Variants in MTHFD1L observed in about 807,000 individuals in gnomAD.
MTHFD1L encodes methylenetetrahydrofolate dehydrogenase (NADP+ dependent) 1 like.
Under a neutral mutation model 119.5 loss-of-function variants are expected in MTHFD1L, and 81 were observed. That is an observed-to-expected ratio of 0.68 (90% CI 0.57 to 0.82). MTHFD1L has a LOEUF of 0.82. Ranked by LOEUF, MTHFD1L falls within the 40% of genes least tolerant of loss-of-function variation. The pLI, the probability that MTHFD1L is intolerant of heterozygous loss-of-function variation, is 0.00. For synonymous variants in MTHFD1L, 430 were observed against 475.2 expected (o/e 0.90, Z 1.24); for missense variants, 1,125 against 1,253.4 (o/e 0.90, Z 1.55).
chr6:151,002,619 T>G (rs1175970561), intron 20 of MTHFD1L, among the ~76,000 whole-genome samples: 1 of 152,210 alleles, frequency 6.6e-6, no homozygotes, highest in Non-Finnish European at 1.5e-5. Flanking sequence ...CAGAGAGTGC[T>G]GGGTTGTAGC....
At chr6:150,923,457 A>G (rs1422254436) in intron 10 of MTHFD1L, among the ~76,000 whole-genome samples, 1 of 151,804 alleles carries the variant, frequency 6.6e-6, no homozygotes. Context: ...TCATCCAGCA[A>G]CGTTGGAATG....
chr6:150,874,029 C>T (rs754983783), intron 1 of MTHFD1L, among the ~76,000 whole-genome samples: 1 of 152,106 alleles, frequency 6.6e-6, no homozygotes, highest in South Asian at 2.1e-4. Flanking sequence ...CCGCTTGGGT[C>T]CCACACTCCG....
intron 17 of MTHFD1L, among the ~76,000 whole-genome samples, chr6:150,957,985 G>A (rs1443107920): frequency 6.6e-6 from 1 of 152,082 alleles, no homozygotes; most frequent in African/African-American, 2.4e-5. Flanking sequence ...CTGGAGAGAT[G>A]GAAGATTCAC....
chr6:150,954,291 A>G (rs1010977772), intron 16 of MTHFD1L, among the ~76,000 whole-genome samples: 5 of 152,220 alleles, frequency 3.3e-5, no homozygotes, highest in Middle Eastern at 3.2e-3. Flanking sequence ...ATAAATTAAC[A>G]AAGTCAGTGT....
intron 26 of MTHFD1L, among the ~76,000 whole-genome samples, chr6:151,067,146 A>G (rs1398486071): frequency 2.0e-5 from 3 of 151,640 alleles, no homozygotes. Context: ...GGCGTGCACC[A>G]CCACGCCTGG....
chr6:150,873,922 T>C (rs1302253384), intron 1 of MTHFD1L, among the ~76,000 whole-genome samples: 5 of 152,118 alleles, frequency 3.3e-5, no homozygotes, highest in Non-Finnish European at 7.4e-5. Context: ...CATTTCACCT[T>C]GGCCTCCCGA....
Position 150,993,829 on chromosome 6 carries a change from T to G in MTHFD1L, c.2126-15990T>G, listed in dbSNP as rs886230701. On this transcript the variant is annotated intron_variant, in intron 20 of 27. Coordinates refer to ENST00000367321, the MANE Select transcript of MTHFD1L (RefSeq NM_015440.5). ...TTGCAAGATCTCAGCCTCTGAAAGT[T>G]TAGCTTATTCATCAGCAAAACTTTA... Among the ~76,000 whole-genome samples the G allele has an allele frequency of 5.1e-4, 78 of 152,144 alleles. 1 individual carries two copies. Among genetic ancestry groups the G allele is most frequent in the African/African-American group, 1.8e-3 (76 of 41,492 alleles).
chr6:151,001,209 G>C (rs2128465132), intron 20 of MTHFD1L, among the ~76,000 whole-genome samples: 1 of 152,244 alleles, frequency 6.6e-6, no homozygotes, highest in African/African-American at 2.4e-5. Context: ...GGAGAGAAAA[G>C]TTGCTACCAT....
At chr6:150,981,128 A>T (rs927493887) in intron 20 of MTHFD1L, among the ~76,000 whole-genome samples, 1 of 152,170 alleles carries the variant, frequency 6.6e-6, no homozygotes, top group Non-Finnish European at 1.5e-5. Flanking sequence ...AATTACCACC[A>T]TATGTTATGA....
intron 17 of MTHFD1L, among the ~76,000 whole-genome samples, chr6:150,956,551 T>C (rs1795670686): frequency 6.6e-6 from 1 of 152,194 alleles, no homozygotes; most frequent in Admixed American, 6.5e-5. Context: ...ATACAGAGAA[T>C]GCAGAAGAAA....
intron 5 of MTHFD1L, among the ~76,000 whole-genome samples, chr6:150,884,999 G>A (rs993924081): frequency 1.3e-5 from 2 of 152,034 alleles, no homozygotes; most frequent in Admixed American, 6.6e-5. Flanking sequence ...CTAGTCCATT[G>A]GGGTCCATTG....
Position 150,876,572 on chromosome 6 carries a change from T to C in MTHFD1L, c.312+398T>C, listed in dbSNP as rs778428855. ...AAACATGGATATTTGGTAATCTTTT[T>C]ACTCTATCTTTTAAAACCTGCCATA... On this transcript the variant is annotated intron_variant, in intron 2 of 27. Coordinates refer to ENST00000367321, the MANE Select transcript of MTHFD1L (RefSeq NM_015440.5). Among the ~76,000 whole-genome samples, 203 of 152,354 alleles carry C rather than the reference T, an allele frequency of 1.3e-3. 1 individual carries two copies. The Middle Eastern group carries it at 0.024, about 18-fold the overall frequency.
In MTHFD1L at chr6:150,926,179, G is replaced by A. The variant is rs1240112084; in HGVS notation, c.1140G>A (p.Glu380=). The part of the protein sequence containing the change: ...TPKAVDVLAK[E]IGLLADEIEI... ...AAGCTGTGGATGTCCTTGCCAAGGA[G>A]ATTGGATTGCTTGCAGATGAAATTG... The change falls in exon 11 of 28, where the codon GAG becomes GAA. Residue 380 remains glutamate (E), a synonymous_variant. Coordinates refer to ENST00000367321, the MANE Select transcript of MTHFD1L (RefSeq NM_015440.5). This position sits in a 1 kb window ranked among gnomAD's most constrained non-coding sequence, Gnocchi z 4.3. 1 of 1,614,130 alleles carries A rather than the reference G, an allele frequency of 6.2e-7. No individual in the cohort carries two copies. The highest frequency in any genetic ancestry group is 1.1e-5 in the South Asian group (1 of 91,082).
rs752891468 is a variant in MTHFD1L, at chr6:150,905,682, A to C, written c.813A>C (p.Ser271=). 1 of 1,614,068 alleles carries C rather than the reference A, an allele frequency of 6.2e-7. No homozygotes were observed. The highest frequency in any genetic ancestry group is 8.5e-7 in the Non-Finnish European group (1 of 1,179,948). Residue 271 remains serine (S), a synonymous_variant, in exon 8 of 28, where the codon TCA becomes TCC. Coordinates refer to ENST00000367321, the MANE Select transcript of MTHFD1L (RefSeq NM_015440.5). The part of the protein sequence containing the change: ...LHEADIVVLG[S]PKPEEIPLTW... The stretch of plus-strand genomic sequence containing the variant: ...AGGCTGACATTGTGGTCCTAGGCTC[A>C]CCTAAGCCAGAAGAGATTCCCCTTA...
At chr6:151,045,123 C>CGCTT (rs1433668370) in intron 26 of MTHFD1L, among the ~76,000 whole-genome samples, 2 of 152,176 alleles carry the variant, frequency 1.3e-5, no homozygotes, top group African/African-American at 4.8e-5. Context: ...GTTGGTTATA[C>CGCTT]GCTTGCTTCA....
chr6:150,972,219 A>G (rs185880132), intron 20 of MTHFD1L, among the ~76,000 whole-genome samples, 161 bp downstream of exon 20: 2 of 152,278 alleles, frequency 1.3e-5, no homozygotes, highest in Admixed American at 6.5e-5. Context: ...GGTCTGGTCT[A>G]TACTCGTGAA....
At chr6:150,975,145 G>T (rs1417543041) in intron 20 of MTHFD1L, among the ~76,000 whole-genome samples, 1 of 152,102 alleles carries the variant, frequency 6.6e-6, no homozygotes, top group Non-Finnish European at 1.5e-5. Flanking sequence ...TCCACCTTTG[G>T]CTCTTATGAA....
At chr6:150,949,371 A>C (rs1794528068) in intron 16 of MTHFD1L, among the ~76,000 whole-genome samples, 1 of 151,710 alleles carries the variant, frequency 6.6e-6, no homozygotes, top group African/African-American at 2.4e-5. Context: ...TGTCTTCTAA[A>C]TTTCCAAGGA....
At chr6:150,960,146 C>T in intron 17 of MTHFD1L, 129 bp from the exon 18 acceptor site, 2 of 1,235,154 alleles carry the variant, frequency 1.6e-6, no homozygotes, top group Middle Eastern at 2.9e-4. Flanking sequence ...GATGGGATTG[C>T]ATGCATGGCC....
Sources: gnomAD v4.1 joint callset for allele counts (sites outside exome capture counted in the v4.1 genomes callset) on GRCh38, gnomAD v4.1.1 for gene constraint, Gnocchi (gnomAD v3.1) non-coding constraint, MANE v1.5 for transcripts, NCBI Gene and HGNC (gene_info 2026-07-23, HGNC 2026-07-21) for gene names.